CEP104: variants seen among roughly 807,000 people sequenced by gnomAD.
CEP104 encodes centrosomal protein 104.
In CEP104, 84 loss-of-function variants were observed where a neutral mutation model predicts 113.3. The ratio of observed to expected loss-of-function variants is 0.74; its 90% CI spans 0.62 to 0.89. CEP104 has a LOEUF of 0.89. Among genes scored for constraint, CEP104 ranks in the 40% least tolerant of loss-of-function variants. The pLI, the probability that CEP104 is intolerant of heterozygous loss-of-function variation, is 0.00. For missense variants in CEP104, 1,053 were observed against 1,156.6 expected (o/e 0.91, Z 1.30); for synonymous variants, 378 against 421.7 (o/e 0.90, Z 1.27).
intron 1 of CEP104, among the ~76,000 whole-genome samples, chr1:3,854,544 T>C (rs12023761): frequency 0.34 from 50,464 of 149,508 alleles, 9,729 homozygotes; most frequent in Admixed American, 0.45. Flanking sequence ...TCTGGGCTCA[T>C]TGTAACCTCT....
At chr1:3,854,274 C>T (rs776248409) in intron 1 of CEP104, among the ~76,000 whole-genome samples, 87 of 152,058 alleles carry the variant, frequency 5.7e-4, no homozygotes, top group Non-Finnish European at 9.9e-4. Context: ...ATTGTGTGAA[C>T]GTGCCTCAGG....
At position 3,813,550 on chromosome 1, in the gene CEP104, C is replaced by T. The variant is rs1333830900; in HGVS notation, c.*1852G>A. ...TGAGCCACCGCGCCTGGCCTCCTCT[C>T]TCCTTATAAACACATTTAACCTGGG... is the stretch of plus-strand genomic sequence containing the variant. On this transcript the variant is annotated 3_prime_UTR_variant, in exon 22 of 22. Transcript: ENST00000378230. The T allele has an allele frequency of 6.7e-6, 1 of 149,856 alleles. No homozygotes were observed. The highest frequency in any genetic ancestry group is 2.1e-4 in the East Asian group (1 of 4,852). The allele number at this position is 149,856 out of a possible 1,614,324, so 9.3% of individuals were successfully genotyped here. A position where few individuals can be genotyped will look rare whatever the true frequency, so the allele number is the denominator to read the frequency against.
In CEP104 at chr1:3,834,182, G is replaced by A. The variant is rs567538851; in HGVS notation, c.1486-147C>T. 1.4e-5 allele frequency: 9 copies of A among 657,686 alleles called. No homozygotes were observed. The South Asian group carries it at 1.7e-4, about 12-fold the overall frequency. The allele number at this position is 657,686 out of a possible 1,614,324, so 40.7% of individuals were successfully genotyped here. On this transcript the variant is annotated intron_variant, in intron 11 of 21. Coordinates refer to ENST00000378230, the MANE Select transcript of CEP104 (RefSeq NM_014704.4). Reference sequence around the variant, plus strand: ...GGCTGAAAATTGCAAACTGAAAACTGCTTTCTAAACACAGCACCTTGCATA... The same window carrying A: ...GGCTGAAAATTGCAAACTGAAAACTACTTTCTAAACACAGCACCTTGCATA...
At chr1:3,816,008 A>C (rs1643874679) in intron 21 of CEP104, 1 of 414,166 alleles carries the variant, frequency 2.4e-6, no homozygotes, top group East Asian at 4.3e-5. Flanking sequence ...TCAGTGATGT[A>C]GAAAGAGCGG....
intron 18 of CEP104, among the ~76,000 whole-genome samples, chr1:3,824,421 A>G (rs1644043836): frequency 6.6e-6 from 1 of 152,128 alleles, no homozygotes; most frequent in African/African-American, 2.4e-5. Context: ...AAGGCCTAAT[A>G]TAGGGGATGG....
In CEP104 at chr1:3,833,985, A is replaced by G; in HGVS notation, c.1536T>C (p.Ile512=). 1.9e-6 allele frequency: 3 copies of G among 1,613,660 alleles called. No individual in the cohort carries two copies. Among genetic ancestry groups the G allele is most frequent in the Non-Finnish European group, 1.7e-6 (2 of 1,179,542 alleles). Residue 512 remains isoleucine, a synonymous_variant, in exon 12 of 22, where the codon ATT becomes ATC. Transcript: ENST00000378230. ...CAAGTTTACTCAGTTTATGTTTAGG[A>G]ATATATTGTGTAATGATCATTTTCA... ...KLLKMIITQY[I]PKHKLSKLET...
chr1:3,827,519 C>T (rs973942036), intron 15 of CEP104, among the ~76,000 whole-genome samples: 2 of 152,102 alleles, frequency 1.3e-5, no homozygotes, highest in South Asian at 2.1e-4. Flanking sequence ...TGCGTCTGGC[C>T]GAGAGTATGA....
chr1:3,856,517 CA>C (rs760472518), intron 1 of CEP104, among the ~76,000 whole-genome samples: 4 of 152,250 alleles, frequency 2.6e-5, no homozygotes, highest in Non-Finnish European at 5.9e-5. Flanking sequence ...TCTATAGGGA[CA>C]GAGCAATTTT....
intron 6 of CEP104, among the ~76,000 whole-genome samples, chr1:3,842,372 G>A (rs1008723473): frequency 5.3e-5 from 8 of 152,200 alleles, no homozygotes; most frequent in Non-Finnish European, 8.8e-5. Flanking sequence ...GAGCCACCGC[G>A]CCCGGCCTTG....
At chr1:3,851,911 CTCTT>C (rs1644618797) in intron 2 of CEP104, among the ~76,000 whole-genome samples, 1 of 152,202 alleles carries the variant, frequency 6.6e-6, no homozygotes, top group African/African-American at 2.4e-5. Context: ...TAGACACACA[CTCTT>C]TCAGCACAGG....
Position 3,836,563 on chromosome 1 carries a change from G to T in CEP104, c.1249C>A (p.Pro417Thr). The change falls in exon 10 of 22, where the codon CCA (proline) becomes ACA (threonine). Residue 417 changes from proline to threonine, a missense_variant. Transcript: ENST00000378230. ...AAGGCCTTCTCGGTTAAGGGCTCTGGCTCCCCTAACATGCCTCCCCTCCGA... is the reference window on the plus strand; with the variant it reads ...AAGGCCTTCTCGGTTAAGGGCTCTGTCTCCCCTAACATGCCTCCCCTCCGA... ...DARRGGMLGE[P>T]EPLTEKALRE... 6.2e-7 allele frequency: 1 copy of T among 1,609,218 alleles called. No homozygotes were observed.
rs2124671614 is a variant in CEP104, at chr1:3,836,469, T to TG, written c.1317+25_1317+26insC. The TG allele has an allele frequency of 1.3e-5, 5 of 372,246 alleles. No individual in the cohort carries two copies. In the Admixed American group the frequency reaches 4.5e-4, roughly 34 times the overall value. The allele number at this position is 372,246 out of a possible 1,614,324, so 23.1% of individuals were successfully genotyped here. On this transcript the variant is annotated intron_variant, in intron 10 of 21. Coordinates refer to ENST00000378230, the MANE Select transcript of CEP104 (RefSeq NM_014704.4). ...GACTAGCCTCCCCTCTGCCACCCCG[T>TG]TTTTTTTTTTTTTTTTTTTTTTTAC...
chr1:3,833,358 A>T (rs2124665396), intron 12 of CEP104, among the ~76,000 whole-genome samples: 1 of 152,296 alleles, frequency 6.6e-6, no homozygotes, highest in African/African-American at 2.4e-5. Flanking sequence ...AAGCTTCTTA[A>T]GCCCAAAGGA....
intron 8 of CEP104, 117 bp from the exon 9 acceptor site, chr1:3,837,636 A>G: frequency 1.2e-6 from 1 of 869,364 alleles, no homozygotes. Context: ...GCTCCTTGGC[A>G]CAATGAAAAA....
At chr1:3,826,287 G>A (rs1160862109) in intron 17 of CEP104, 83 bp downstream of exon 17, 1 of 1,197,754 alleles carries the variant, frequency 8.3e-7, no homozygotes, top group Non-Finnish European at 1.2e-6. Flanking sequence ...GGCCAACTAG[G>A]GAGGACGCAT....
chr1:3,852,583 C>T (rs1051157312), intron 1 of CEP104, among the ~76,000 whole-genome samples, 162 bp from the exon 2 acceptor site: 51 of 152,224 alleles, frequency 3.4e-4, no homozygotes, highest in African/African-American at 1.2e-3. Flanking sequence ...TTGTTAAACA[C>T]TTTTATAGAT....
intron 20 of CEP104, among the ~76,000 whole-genome samples, chr1:3,822,410 T>C (rs1275052401): frequency 1.3e-5 from 2 of 152,180 alleles, no homozygotes. Flanking sequence ...CCCAGAAGGC[T>C]GGGACAAGGG....
rs1191299471 is a variant in CEP104, at chr1:3,829,783, TA to T, written c.2043+7del. 3.7e-6 allele frequency: 6 copies of T among 1,613,086 alleles called. No individual in the cohort carries two copies. The African/African-American group carries it at 4.0e-5, about 11-fold the overall frequency. On this transcript the variant is annotated splice_region_variant and intron_variant, in intron 14 of 21. Coordinates refer to ENST00000378230, the MANE Select transcript of CEP104 (RefSeq NM_014704.4). ...GATGACATCACAACTTCACCAAAGTTAACTCACCCTCATCTCAGCATCTGTA... is the reference window on the plus strand; with the variant it reads ...GATGACATCACAACTTCACCAAAGTTACTCACCCTCATCTCAGCATCTGTA...
chr1:3,845,679 T>C (rs1187445643), intron 4 of CEP104, among the ~76,000 whole-genome samples: 1 of 152,128 alleles, frequency 6.6e-6, no homozygotes, highest in Non-Finnish European at 1.5e-5. Flanking sequence ...GGATGATGTA[T>C]ATCAAAGCGT....
Sources: gnomAD v4.1 joint callset for allele counts (sites outside exome capture counted in the v4.1 genomes callset) on GRCh38, gnomAD v4.1.1 for gene constraint, MANE v1.5 for transcripts, NCBI Gene and HGNC (gene_info 2026-07-23, HGNC 2026-07-21) for gene names.